The following CACNA2D3 variants were observed in gnomAD, a reference collection of about 807,000 sequenced individuals.
CACNA2D3 encodes the protein calcium voltage-gated channel auxiliary subunit alpha2delta 3, also known as voltage-dependent calcium channel subunit alpha-2/delta-3.
Under a neutral mutation model 160.6 loss-of-function variants are expected in CACNA2D3, and 60 were observed. The ratio of observed to expected loss-of-function variants is 0.37; its 90% CI spans 0.30 to 0.46. The LOEUF (loss-of-function observed/expected upper bound fraction) is 0.46. Ranked by LOEUF, CACNA2D3 falls within the 20% of genes least tolerant of loss-of-function variation. The probability of loss-of-function intolerance (pLI) is 1.00; values close to 1 mark genes in which losing one functional copy is unlikely to be tolerated. For synonymous variants in CACNA2D3, 558 were observed against 492.9 expected, an observed-to-expected ratio of 1.13 and a Z score of -1.75; for missense variants, 1,205 against 1,365.0, an observed-to-expected ratio of 0.88 and a Z score of 1.85.
intron 4 of CACNA2D3, among the ~76,000 whole-genome samples, chr3:54,434,496 C>G (rs1700033598): frequency 6.6e-6 from 1 of 152,226 alleles, no homozygotes; most frequent in South Asian, 2.1e-4. Flanking sequence ...TCAAGGTTGT[C>G]TTGTTCAGGG....
At chr3:54,497,299 A>G (rs1701217692) in intron 4 of CACNA2D3, among the ~76,000 whole-genome samples, 1 of 152,070 alleles carries the variant, frequency 6.6e-6, no homozygotes, top group South Asian at 2.1e-4. Flanking sequence ...TGTGGTTTTT[A>G]GTACTTTGTA....
At chr3:55,012,968 T>A (rs111843562) in intron 34 of CACNA2D3, among the ~76,000 whole-genome samples, 19 of 152,104 alleles carry the variant, frequency 1.2e-4, no homozygotes, top group African/African-American at 4.3e-4. Context: ...AGGAATAATA[T>A]GGTGCTTCAG....
At chr3:54,810,852 G>A (rs1703289018) in intron 13 of CACNA2D3, among the ~76,000 whole-genome samples, 1 of 152,168 alleles carries the variant, frequency 6.6e-6, no homozygotes, top group South Asian at 2.1e-4. Flanking sequence ...TGAATTAGGA[G>A]AATTAAAACA....
chr3:54,900,656 G>T (rs1181003219), intron 27 of CACNA2D3, among the ~76,000 whole-genome samples: 1 of 152,168 alleles, frequency 6.6e-6, no homozygotes, highest in Non-Finnish European at 1.5e-5. Flanking sequence ...CCTGGTATTG[G>T]CTGGGTTTAC....
chr3:54,948,531 G>C (rs929845822), intron 27 of CACNA2D3, among the ~76,000 whole-genome samples: 5 of 151,318 alleles, frequency 3.3e-5, no homozygotes, highest in African/African-American at 1.2e-4. Flanking sequence ...TTCACCATGA[G>C]CACCTCTGCA....
At chr3:54,254,453 G>T (rs1249203827) in intron 2 of CACNA2D3, among the ~76,000 whole-genome samples, 2 of 152,156 alleles carry the variant, frequency 1.3e-5, no homozygotes, top group Non-Finnish European at 2.9e-5. Flanking sequence ...GTGCAGTGAG[G>T]TATCCACCAA....
intron 27 of CACNA2D3, among the ~76,000 whole-genome samples, chr3:54,966,138 G>A (rs376550436): frequency 6.6e-6 from 1 of 152,056 alleles, no homozygotes; most frequent in Non-Finnish European, 1.5e-5. Flanking sequence ...ACGGGGGTGG[G>A]GGTCTCAGAA....
chr3:54,809,369 A>G (rs1359186258), intron 13 of CACNA2D3, among the ~76,000 whole-genome samples: 1 of 110,592 alleles, frequency 9.0e-6, no homozygotes, highest in Non-Finnish European at 1.7e-5. Flanking sequence ...CGGACTGCGG[A>G]CTGCAGTGGC....
intron 1 of CACNA2D3, among the ~76,000 whole-genome samples, chr3:54,123,216 T>TG (rs1213385926): frequency 1.3e-5 from 2 of 152,054 alleles, no homozygotes; most frequent in Non-Finnish European, 2.9e-5. Flanking sequence ...ATGCCCAGTT[T>TG]GGGGGGTCGA....
chr3:54,853,448 C>G (rs768284365), intron 17 of CACNA2D3, among the ~76,000 whole-genome samples: 1 of 152,164 alleles, frequency 6.6e-6, no homozygotes, highest in Non-Finnish European at 1.5e-5. Context: ...TTTGTTGAGT[C>G]CTTGCTACGT....
intron 2 of CACNA2D3, among the ~76,000 whole-genome samples, chr3:54,277,447 G>A (rs1702773478): frequency 6.6e-6 from 1 of 152,092 alleles, no homozygotes; most frequent in African/African-American, 2.4e-5. Context: ...TAGATGTGTG[G>A]CATTATTTCT....
At position 54,300,594 on chromosome 3, in the gene CACNA2D3, A is replaced by G. The variant is rs182250737; in HGVS notation, c.205-19848A>G. On this transcript the variant is annotated intron_variant, in intron 2 of 37. Coordinates refer to ENST00000474759, the MANE Select transcript of CACNA2D3 (RefSeq NM_018398.3). ...CCCTGTTTCCTTCTGTTAATATGGG[A>G]AATTGATATCTGATTATATATTTGG... Among the ~76,000 whole-genome samples the G allele has an allele frequency of 1.5e-4, 23 of 152,292 alleles. No homozygotes were observed. The East Asian group carries it at 2.7e-3, about 18-fold the overall frequency.
At chr3:54,605,288 G>A (rs1453625724) in intron 9 of CACNA2D3, among the ~76,000 whole-genome samples, 1 of 152,054 alleles carries the variant, frequency 6.6e-6, no homozygotes, top group Non-Finnish European at 1.5e-5. Flanking sequence ...ATCTTTTGTG[G>A]GGGACACAAT....
At chr3:54,342,224 C>T (rs1293514363) in intron 3 of CACNA2D3, among the ~76,000 whole-genome samples, 1 of 152,090 alleles carries the variant, frequency 6.6e-6, no homozygotes, top group Non-Finnish European at 1.5e-5. Flanking sequence ...ATACCATAGG[C>T]CACTTATCCA....
intron 35 of CACNA2D3, among the ~76,000 whole-genome samples, chr3:55,061,682 T>A (rs1390419419): frequency 6.6e-6 from 1 of 152,232 alleles, no homozygotes; most frequent in Non-Finnish European, 1.5e-5. Flanking sequence ...CTCCTGAGGC[T>A]GAAAATGTGT....
chr3:54,167,023 G>A (rs1351244838), intron 2 of CACNA2D3, among the ~76,000 whole-genome samples: 2 of 152,136 alleles, frequency 1.3e-5, no homozygotes, highest in African/African-American at 2.4e-5. Flanking sequence ...TTAGGGAAAA[G>A]GATTCCACTT....
At chr3:54,695,480 T>TA (rs1390779841) in intron 11 of CACNA2D3, among the ~76,000 whole-genome samples, 10 of 152,050 alleles carry the variant, frequency 6.6e-5, no homozygotes, top group Non-Finnish European at 1.3e-4. Context: ...GTTCCAAGGT[T>TA]ACGAGTATTT....
At chr3:54,638,861 G>A (rs953235851) in intron 10 of CACNA2D3, 7 of 152,012 alleles carry the variant, frequency 4.6e-5, no homozygotes, top group Non-Finnish European at 1.0e-4. Flanking sequence ...AAAATAAGAC[G>A]CTTAGATTTT....
At chr3:55,040,776 T>C (rs780244633) in intron 35 of CACNA2D3, among the ~76,000 whole-genome samples, 6 of 152,178 alleles carry the variant, frequency 3.9e-5, no homozygotes, top group Non-Finnish European at 8.8e-5. Context: ...ATTGTTATTT[T>C]TGATTTGAGG....
Sources: gnomAD v4.1 joint callset for allele counts (sites outside exome capture counted in the v4.1 genomes callset) on GRCh38, gnomAD v4.1.1 for gene constraint, MANE v1.5 for transcripts, NCBI Gene and HGNC (gene_info 2026-07-23, HGNC 2026-07-21) for gene names.